OSBPL9: variants seen among roughly 807,000 people sequenced by gnomAD.
OSBPL9 encodes the protein oxysterol binding protein like 9, also known as oxysterol-binding protein-related protein 9.
Under a neutral mutation model 106.6 loss-of-function variants are expected in OSBPL9, and 40 were observed. That is an observed-to-expected ratio of 0.38 (90% CI 0.29 to 0.49). The LOEUF (loss-of-function observed/expected upper bound fraction) is 0.49, where lower values mean the gene tolerates loss of function less well. Among genes scored for constraint, OSBPL9 ranks in the 20% least tolerant of loss-of-function variants. The pLI is 0.97. For synonymous variants in OSBPL9, 269 were observed against 295.4 expected (o/e 0.91, Z 0.92); for missense variants, 609 against 887.2 (o/e 0.69, Z 3.98).
At chr1:51,697,566 A>C (rs764199280) in intron 3 of OSBPL9, among the ~76,000 whole-genome samples, 1 of 149,650 alleles carries the variant, frequency 6.7e-6, no homozygotes, top group Non-Finnish European at 1.5e-5. Context: ...AGGAGAAGAT[A>C]TGACTTTAGG....
intron 1 of OSBPL9, among the ~76,000 whole-genome samples, chr1:51,633,890 G>A (rs1166771797): frequency 1.3e-5 from 2 of 152,184 alleles, no homozygotes; most frequent in East Asian, 3.9e-4. Context: ...CTCCCAAAGT[G>A]CTGGGATTAC....
At chr1:51,653,055 A>G (rs1397152263) in intron 2 of OSBPL9, among the ~76,000 whole-genome samples, 1 of 152,212 alleles carries the variant, frequency 6.6e-6, no homozygotes, top group Non-Finnish European at 1.5e-5. Flanking sequence ...GAAAGACACC[A>G]AATTATAATA....
chr1:51,669,737 T>C (rs1474948880), intron 3 of OSBPL9: 1 of 638,550 alleles, frequency 1.6e-6, no homozygotes, highest in Non-Finnish European at 2.9e-6. Flanking sequence ...CAGTTGGAGA[T>C]GAAAATTTTA....
At chr1:51,574,215 G>A (rs1645169977), upstream of OSBPL9, among the ~76,000 whole-genome samples, 1 of 152,162 alleles carries the variant, frequency 6.6e-6, no homozygotes, top group African/African-American at 2.4e-5. Flanking sequence ...GTATTATCAT[G>A]TGGAGTGGCT....
intron 4 of OSBPL9, among the ~76,000 whole-genome samples, chr1:51,719,587 T>C (rs1661691469): frequency 6.6e-6 from 1 of 152,148 alleles, no homozygotes; most frequent in South Asian, 2.1e-4. Flanking sequence ...AAATATGAGT[T>C]ATAGCAGCTT....
At chr1:51,632,542 T>C (rs1372790075) in intron 1 of OSBPL9, among the ~76,000 whole-genome samples, 1 of 117,486 alleles carries the variant, frequency 8.5e-6, no homozygotes, top group African/African-American at 3.3e-5. Flanking sequence ...ATAAATAATT[T>C]ACATCATTAT....
At chr1:51,545,028 G>C in the OSBPL9 span, among the ~76,000 whole-genome samples, 1 of 151,922 alleles carries the variant, frequency 6.6e-6, no homozygotes, top group African/African-American at 2.4e-5. Flanking sequence ...ATTTTTAGTA[G>C]AGACAGGGTT....
intron 17 of OSBPL9, among the ~76,000 whole-genome samples, chr1:51,783,039 T>A (rs1676755726): frequency 6.6e-6 from 1 of 152,212 alleles, no homozygotes; most frequent in Non-Finnish European, 1.5e-5. Context: ...TTACATAAAA[T>A]GGTGTCTTTT....
chr1:51,705,393 ATATATATTTTTTTTTTTT>A (rs1658257269), intron 3 of OSBPL9, among the ~76,000 whole-genome samples: 1 of 54,658 alleles, frequency 1.8e-5, no homozygotes, highest in African/African-American at 8.4e-5. Context: ...ATATATATAT[ATATATATTTTTTTTTTTT>A]TTTTTTTTTT....
At chr1:51,662,783 C>G (rs1199631973) in intron 2 of OSBPL9, among the ~76,000 whole-genome samples, 1 of 136,162 alleles carries the variant, frequency 7.3e-6, no homozygotes, top group Non-Finnish European at 1.5e-5. Flanking sequence ...CTCGCTCTGT[C>G]GCCCAGGGTG....
At chr1:51,590,526 A>G (rs1386655553) in intron 1 of OSBPL9, among the ~76,000 whole-genome samples, 1 of 150,788 alleles carries the variant, frequency 6.6e-6, no homozygotes, top group Non-Finnish European at 1.5e-5. Context: ...AGGCTGAGGC[A>G]GGAGAATGGC....
chr1:51,777,032 A>T (rs1394110170), intron 15 of OSBPL9, 114 bp downstream of exon 15: 3 of 821,228 alleles, frequency 3.7e-6, no homozygotes, highest in Admixed American at 4.5e-5. Flanking sequence ...ATTTCTGGGT[A>T]TTCTGTGGTA....
intron 1 of OSBPL9, among the ~76,000 whole-genome samples, chr1:51,596,872 C>G (rs1356932002): frequency 6.6e-6 from 1 of 152,204 alleles, no homozygotes; most frequent in Non-Finnish European, 1.5e-5. Context: ...GAGAACAAGA[C>G]TGGCAAGTCT....
intron 2 of OSBPL9, among the ~76,000 whole-genome samples, chr1:51,607,348 G>A (rs972320377): frequency 2.6e-5 from 4 of 151,832 alleles, no homozygotes; most frequent in Admixed American, 6.6e-5. Flanking sequence ...TTTTAGTAGA[G>A]ATGGGGTTTC....
chr1:51,597,443 G>A lies in OSBPL9; in HGVS notation c.-422-681G>A, dbSNP rs1348474780. 6.7e-5 allele frequency among the ~76,000 whole-genome samples: 10 copies of A among 150,290 alleles called. No homozygotes were observed. The South Asian group carries it at 1.0e-3, about 16-fold the overall frequency. ...TATATATGTGTGTGTGTGTGTGTGTGTGTGTGTGTGTGTGTGTATATACAC... is the reference window on the plus strand; with the variant it reads ...TATATATGTGTGTGTGTGTGTGTGTATGTGTGTGTGTGTGTGTATATACAC... On this transcript the variant is annotated intron_variant, in intron 1 of 25. Transcript: ENST00000371714.
In OSBPL9 at chr1:51,711,163, C is replaced by G. The variant is rs370210574; in HGVS notation, c.242-2840C>G. Among the ~76,000 whole-genome samples, 76 of 152,092 alleles carry G rather than the reference C, an allele frequency of 5.0e-4. 3 individuals carry two copies. In the South Asian group the frequency reaches 0.012, roughly 24 times the overall value. On this transcript the variant is annotated intron_variant, in intron 3 of 23. Transcript: ENST00000428468. ...CTCAATCTTTTCCCCACCTTTCCCC[C>G]CTTTCTATTCCACAAAGCCGCCATC... is the stretch of plus-strand genomic sequence containing the variant.
At chr1:51,547,669 C>A in the OSBPL9 span, among the ~76,000 whole-genome samples, 4 of 152,106 alleles carry the variant, frequency 2.6e-5, 1 homozygote, top group South Asian at 8.3e-4. Flanking sequence ...CATGGCGAAA[C>A]CCCATCTCTA....
At chr1:51,588,367 A>G (rs901212038) in intron 1 of OSBPL9, among the ~76,000 whole-genome samples, 2 of 151,534 alleles carry the variant, frequency 1.3e-5, no homozygotes, top group African/African-American at 4.9e-5. Flanking sequence ...GGGCAACAAG[A>G]GCAAAACTCT....
intron 2 of OSBPL9, among the ~76,000 whole-genome samples, chr1:51,669,048 C>T (rs1364523707): frequency 2.6e-5 from 4 of 152,158 alleles, no homozygotes; most frequent in African/African-American, 9.7e-5. Context: ...GAGCACCTGC[C>T]TTCTTTCAGC....
Sources: allele counts gnomAD v4.1 joint callset (sites outside exome capture counted in the v4.1 genomes callset), GRCh38; gene constraint gnomAD v4.1.1; transcripts MANE v1.5; gene names NCBI Gene and HGNC (gene_info 2026-07-23, HGNC 2026-07-21).